Variants in CAMK2D observed in about 807,000 individuals in gnomAD.
The protein encoded by CAMK2D is calcium/calmodulin dependent protein kinase II delta.
CAMK2D carries 37 observed loss-of-function variants against 84.0 expected under a neutral mutation model. The ratio of observed to expected loss-of-function variants is 0.44; its 90% CI spans 0.34 to 0.58. CAMK2D has a LOEUF of 0.58. Among genes scored for constraint, CAMK2D ranks in the 20% least tolerant of loss-of-function variants. CAMK2D has a pLI of 0.02. For missense variants in CAMK2D, 448 were observed against 652.5 expected (o/e 0.69, Z 3.41); for synonymous variants, 202 against 212.5 (o/e 0.95, Z 0.43).
At chr4:113,579,750 A>G (rs1978132) in intron 4 of CAMK2D, among the ~76,000 whole-genome samples, 110,278 of 152,116 alleles carry the variant, frequency 0.72, 40,262 homozygotes, top group Middle Eastern at 0.78. Context: ...CCGGCCTCAG[A>G]TATTCCTTTA....
At chr4:113,690,606 A>C (rs924255413) in intron 2 of CAMK2D, among the ~76,000 whole-genome samples, 1 of 152,204 alleles carries the variant, frequency 6.6e-6, no homozygotes, top group African/African-American at 2.4e-5. Context: ...TGATGTCTAT[A>C]TTATTGCACA....
At chr4:113,727,248 A>T (rs2099548807) in intron 2 of CAMK2D, among the ~76,000 whole-genome samples, 1 of 152,216 alleles carries the variant, frequency 6.6e-6, no homozygotes, top group African/African-American at 2.4e-5. Flanking sequence ...AAATTTATAT[A>T]AAAATGAAAG....
chr4:113,746,816 T>C lies in CAMK2D; in HGVS notation c.160+12504A>G, dbSNP rs145178181. ...TACATTTAAGGAACAGGAGTGACTC[T>C]GATACTAAAATTCTACTTGAGGTCT... On this transcript the variant is annotated intron_variant, in intron 2 of 20. Transcript: ENST00000511664. 3.9e-3 allele frequency among the ~76,000 whole-genome samples: 594 copies of C among 152,018 alleles called. 1 individual carries two copies. The highest frequency in any genetic ancestry group is 0.014 in the African/African-American group (562 of 41,506).
At chr4:113,725,709 T>C (rs981607162) in intron 2 of CAMK2D, among the ~76,000 whole-genome samples, 1 of 152,132 alleles carries the variant, frequency 6.6e-6, no homozygotes, top group Admixed American at 6.5e-5. Context: ...TACCATGGTC[T>C]GTAAATTAAC....
intron 16 of CAMK2D, among the ~76,000 whole-genome samples, chr4:113,485,351 G>A (rs978664834): frequency 6.6e-6 from 1 of 152,150 alleles, no homozygotes; most frequent in Admixed American, 6.5e-5. Context: ...AACAGGGCTT[G>A]GCACTCAATA....
chr4:113,533,712 T>A (rs887604870), intron 7 of CAMK2D, among the ~76,000 whole-genome samples: 1 of 152,010 alleles, frequency 6.6e-6, no homozygotes, highest in African/African-American at 2.4e-5. Context: ...GCAAATAACA[T>A]GTCCAGTTCC....
In CAMK2D at chr4:113,761,136, C is replaced by A. The variant is rs2099640596; in HGVS notation, c.-68G>T. ...GAAGCGAGCAGACGCGCGGCTAACCCCGGGACTGGCCCCGCGGCGCTGTCA... is the reference window on the plus strand; with the variant it reads ...GAAGCGAGCAGACGCGCGGCTAACCACGGGACTGGCCCCGCGGCGCTGTCA... On this transcript the variant is annotated 5_prime_UTR_variant, in exon 1 of 21. Coordinates refer to ENST00000511664, the MANE Select transcript of CAMK2D (RefSeq NM_001321571.2). 14 of 1,608,892 alleles carry A rather than the reference C, an allele frequency of 8.7e-6. No homozygotes were observed. In the Middle Eastern group the frequency reaches 6.6e-4, roughly 76 times the overall value.
intron 2 of CAMK2D, chr4:113,754,779 A>G: frequency 2.0e-6 from 2 of 980,296 alleles, no homozygotes; most frequent in Non-Finnish European, 1.2e-6. Flanking sequence ...ATCAAGACCT[A>G]TAGAAGAATG....
intron 16 of CAMK2D, among the ~76,000 whole-genome samples, chr4:113,492,862 C>T (rs2097863273): frequency 7.6e-6 from 1 of 132,092 alleles, no homozygotes. Flanking sequence ...ATAGTTAGCT[C>T]TTCTTGTTGA....
chr4:113,727,181 G>A (rs2099548584), intron 2 of CAMK2D, among the ~76,000 whole-genome samples: 2 of 152,112 alleles, frequency 1.3e-5, no homozygotes, highest in Non-Finnish European at 1.5e-5. Context: ...GAGATTCAAT[G>A]CCATTCAAAG....
At chr4:113,610,393 A>G (rs1285454432) in intron 3 of CAMK2D, among the ~76,000 whole-genome samples, 3 of 152,200 alleles carry the variant, frequency 2.0e-5, no homozygotes, top group Non-Finnish European at 4.4e-5. Context: ...TATGTTTCCC[A>G]TGCACTGATG....
intron 3 of CAMK2D, among the ~76,000 whole-genome samples, chr4:113,657,327 A>G (rs1203840341): frequency 6.6e-6 from 1 of 152,136 alleles, no homozygotes; most frequent in Non-Finnish European, 1.5e-5. Context: ...TTGTTTATAC[A>G]CTAGGATGCA....
rs561505439 is a variant in CAMK2D at position 113,717,595 on chromosome 4, C to T, written c.160+41725G>A. On this transcript the variant is annotated intron_variant, in intron 2 of 20. Coordinates refer to ENST00000511664, the MANE Select transcript of CAMK2D (RefSeq NM_001321571.2). Reference sequence around the variant, plus strand: ...GTGAGTGTTAAGGTAAAGGCAAATACCTTTTTGTGAATACCACTTGAAATG... The same window carrying T: ...GTGAGTGTTAAGGTAAAGGCAAATATCTTTTTGTGAATACCACTTGAAATG... 1.2e-4 allele frequency among the ~76,000 whole-genome samples: 18 copies of T among 151,990 alleles called. No homozygotes were observed. The East Asian group carries it at 3.3e-3, about 28-fold the overall frequency.
intron 7 of CAMK2D, among the ~76,000 whole-genome samples, chr4:113,535,635 T>C (rs575224973): frequency 1.8e-4 from 27 of 152,226 alleles, no homozygotes; most frequent in South Asian, 6.2e-4. Flanking sequence ...CTTCTTGTTT[T>C]ACTGTAATAG....
At chr4:113,506,045 A>T (rs1033770794) in intron 13 of CAMK2D, among the ~76,000 whole-genome samples, 4 of 152,152 alleles carry the variant, frequency 2.6e-5, no homozygotes, top group African/African-American at 9.7e-5. Context: ...TATTTTATTT[A>T]TTATTTTCTA....
intron 16 of CAMK2D, among the ~76,000 whole-genome samples, chr4:113,493,895 A>G (rs1053887356): frequency 2.6e-5 from 4 of 151,894 alleles, no homozygotes; most frequent in African/African-American, 9.7e-5. Flanking sequence ...CATTCATTTC[A>G]TCTTCCATCA....
intron 2 of CAMK2D, among the ~76,000 whole-genome samples, chr4:113,714,097 G>C (rs1215205553): frequency 6.6e-6 from 1 of 151,952 alleles, no homozygotes; most frequent in Non-Finnish European, 1.5e-5. Flanking sequence ...TTGGGGTAAA[G>C]TTTCAAATAG....
chr4:113,494,835 T>C (rs1008057917), intron 16 of CAMK2D, among the ~76,000 whole-genome samples: 14 of 152,182 alleles, frequency 9.2e-5, no homozygotes, highest in Admixed American at 2.0e-4. Context: ...CGGGATATAA[T>C]CTCCTGGTGC....
At position 113,482,663 on chromosome 4, in the gene CAMK2D, T is replaced by C. The variant is rs527788836; in HGVS notation, c.1136-17059A>G. On this transcript the variant is annotated intron_variant, in intron 16 of 20. Coordinates refer to ENST00000511664, the MANE Select transcript of CAMK2D (RefSeq NM_001321571.2). ...AAATAAAATAGTTGTATAGAGAGGT[T>C]TTATATTTGTTTTTAAAGAAAACAC... 7.2e-5 allele frequency among the ~76,000 whole-genome samples: 11 copies of C among 152,338 alleles called. No homozygotes were observed. The South Asian group carries it at 2.3e-3, about 32-fold the overall frequency.
Sources: allele counts gnomAD v4.1 joint callset (sites outside exome capture counted in the v4.1 genomes callset), GRCh38; gene constraint gnomAD v4.1.1; transcripts MANE v1.5; gene names NCBI Gene and HGNC (gene_info 2026-07-23, HGNC 2026-07-21).